Variants in SP140 observed in about 807,000 individuals in gnomAD.
SP140 encodes nuclear body protein SP140.
A neutral mutation model predicts 125.0 loss-of-function variants in SP140; 81 were observed. The ratio of observed to expected loss-of-function variants is 0.65; its 90% CI spans 0.54 to 0.78. SP140 has a LOEUF of 0.78. Among genes scored for constraint, SP140 ranks in the 30% least tolerant of loss-of-function variants. SP140 has a pLI of 0.00. For synonymous variants in SP140, 312 were observed against 354.0 expected (o/e 0.88, Z 1.33); for missense variants, 858 against 1,037.0 (o/e 0.83, Z 2.37).
chr2:230,269,731 GAGA>G (rs1380554984), intron 13 of SP140, 103 bp from the exon 14 acceptor site: 6 of 1,095,522 alleles, frequency 5.5e-6, no homozygotes, highest in Non-Finnish European at 5.4e-6. Flanking sequence ...GCAGTGAAAG[GAGA>G]AGATTTCAGA....
upstream of SP140, chr2:230,202,805 C>T: frequency 7.3e-7 from 1 of 1,366,930 alleles, no homozygotes; most frequent in Admixed American, 1.7e-5. Flanking sequence ...TCAGTGACTT[C>T]CCTTCTCATG....
At chr2:230,218,473 G>A (rs2045475036) in intron 3 of SP140, among the ~76,000 whole-genome samples, 1 of 152,196 alleles carries the variant, frequency 6.6e-6, no homozygotes, top group Non-Finnish European at 1.5e-5. Flanking sequence ...TCCACAATAT[G>A]CACAGGGGAA....
At chr2:230,288,384 T>C (rs2056665622) in intron 18 of SP140, among the ~76,000 whole-genome samples, 1 of 152,256 alleles carries the variant, frequency 6.6e-6, no homozygotes, top group Non-Finnish European at 1.5e-5. Flanking sequence ...TGTGTGGGCT[T>C]AGGCTGATCA....
At chr2:230,305,720 A>G (rs1299557135) in intron 22 of SP140, among the ~76,000 whole-genome samples, 1 of 152,088 alleles carries the variant, frequency 6.6e-6, no homozygotes, top group Non-Finnish European at 1.5e-5. Flanking sequence ...CCGGGGTGGG[A>G]AGTGGGAGTG....
chr2:230,246,845 CAG>C (rs1357973255), intron 7 of SP140, among the ~76,000 whole-genome samples: 2 of 151,906 alleles, frequency 1.3e-5, no homozygotes, highest in Admixed American at 6.6e-5. Context: ...TGCTCGAAGA[CAG>C]AGACAGTGGA....
intron 3 of SP140, among the ~76,000 whole-genome samples, chr2:230,239,794 G>A (rs2048465815): frequency 6.6e-6 from 1 of 152,120 alleles, no homozygotes; most frequent in African/African-American, 2.4e-5. Flanking sequence ...TCTGAGGGTG[G>A]GTGAATCCAC....
At chr2:230,249,226 TG>T (rs2049983379) in intron 9 of SP140, among the ~76,000 whole-genome samples, 1 of 152,142 alleles carries the variant, frequency 6.6e-6, no homozygotes, top group Non-Finnish European at 1.5e-5. Context: ...AGAGGTAGGC[TG>T]GGGCGCCAGA....
At position 230,269,942 on chromosome 2, in the gene SP140, G is replaced by A; in HGVS notation, c.1433G>A (p.Cys478Tyr). Reference sequence around the variant, plus strand: ...GCAAGGACGGAAAGTGATCAAGCGTGTGGCACAATGGGTAAGGCTGTCTGA... The same window carrying A: ...GCAAGGACGGAAAGTGATCAAGCGTATGGCACAATGGGTAAGGCTGTCTGA... Reference protein sequence around the residue: ...PEARTESDQACGTMDTVDIAN... With the variant: ...PEARTESDQAYGTMDTVDIAN... Residue 478 changes from cysteine to tyrosine, a missense_variant, in exon 14 of 27, where the codon TGT becomes TAT. By Grantham distance (194) the Cys-to-Tyr change is radical. Coordinates refer to ENST00000392045, the MANE Select transcript of SP140 (RefSeq NM_007237.5). The A allele has an allele frequency of 1.2e-6, 2 of 1,612,782 alleles. No homozygotes were observed. The highest frequency in any genetic ancestry group is 1.7e-6 in the Non-Finnish European group (2 of 1,178,782).
chr2:230,196,471 T>A, the SP140 span, among the ~76,000 whole-genome samples: 26 of 152,186 alleles, frequency 1.7e-4, no homozygotes, highest in East Asian at 4.6e-3. Flanking sequence ...GTATGCATAC[T>A]TATACAAAAA....
the SP140 span, among the ~76,000 whole-genome samples, chr2:230,196,037 T>C: frequency 6.6e-6 from 1 of 152,324 alleles, no homozygotes; most frequent in South Asian, 2.1e-4. Flanking sequence ...GTTTGGATGT[T>C]AAGGATACCT....
intron 12 of SP140, among the ~76,000 whole-genome samples, chr2:230,259,906 T>A (rs1457490933): frequency 6.6e-6 from 1 of 151,868 alleles, no homozygotes; most frequent in African/African-American, 2.4e-5. Context: ...TAAACATGCA[T>A]GTGCAAGTAT....
intron 3 of SP140, among the ~76,000 whole-genome samples, chr2:230,218,913 T>C (rs181787379): frequency 2.6e-5 from 4 of 152,184 alleles, no homozygotes; most frequent in Admixed American, 6.5e-5. Context: ...ACGATAAGCA[T>C]GTTAACTAGC....
In SP140 at chr2:230,275,342, A is replaced by G. The variant is rs187763206; in HGVS notation, c.1498+4703A>G. Among the ~76,000 whole-genome samples the G allele has an allele frequency of 5.7e-3, 873 of 151,896 alleles. 4 individuals are homozygous for G. Among genetic ancestry groups the G allele is most frequent in the Non-Finnish European group, 0.01 (696 of 68,014 alleles). Reference sequence around the variant, plus strand: ...CTGTTGGTGCCCTTTTTCCAACAGCATGTGCTCACTTTGTGTCTCTGTCAC... The same window carrying G: ...CTGTTGGTGCCCTTTTTCCAACAGCGTGTGCTCACTTTGTGTCTCTGTCAC... On this transcript the variant is annotated intron_variant, in intron 15 of 26. Coordinates refer to ENST00000392045, the MANE Select transcript of SP140 (RefSeq NM_007237.5).
chr2:230,299,753 T>A (rs2058113431), intron 22 of SP140, among the ~76,000 whole-genome samples: 1 of 152,176 alleles, frequency 6.6e-6, no homozygotes, highest in Non-Finnish European at 1.5e-5. Context: ...GATATAAATT[T>A]GGCTCTGTTG....
intron 3 of SP140, among the ~76,000 whole-genome samples, chr2:230,215,325 A>G (rs2044997037): frequency 6.6e-6 from 1 of 152,196 alleles, no homozygotes; most frequent in South Asian, 2.1e-4. Context: ...GATGACTAGC[A>G]ACAAAAATAA....
At chr2:230,247,770 T>A in intron 7 of SP140, 146 bp from the exon 8 acceptor site, 1 of 698,748 alleles carries the variant, frequency 1.4e-6, no homozygotes, top group Non-Finnish European at 2.4e-6. Flanking sequence ...TTCTGATGAC[T>A]CTTTCTCATC....
intron 3 of SP140, chr2:230,216,940 G>A: frequency 6.2e-7 from 1 of 1,612,212 alleles, no homozygotes; most frequent in Non-Finnish European, 8.5e-7. Context: ...TATGGAAAGA[G>A]GCATGATAAA....
intron 1 of SP140, among the ~76,000 whole-genome samples, chr2:230,236,164 C>T (rs543892221): frequency 2.6e-4 from 40 of 152,212 alleles, no homozygotes; most frequent in African/African-American, 8.7e-4. Flanking sequence ...CGTGAGCCAC[C>T]GCGCCCGGCC....
chr2:230,212,822 G>T lies in SP140; in HGVS notation c.-322-832G>T, dbSNP rs144428054. 6 of 1,613,962 alleles carry T rather than the reference G, an allele frequency of 3.7e-6. No homozygotes were observed. The African/African-American group carries it at 8.0e-5, about 22-fold the overall frequency. On this transcript the variant is annotated intron_variant, in intron 1 of 4. Transcript: ENST00000456542. ...GAGGCAGGACAGGGTCAGATGGGCT[G>T]GGCGACTCACTCAGGATCTCATCGC...
Sources: allele counts gnomAD v4.1 joint callset (sites outside exome capture counted in the v4.1 genomes callset), GRCh38; gene constraint gnomAD v4.1.1; transcripts MANE v1.5; gene names NCBI Gene and HGNC (gene_info 2026-07-23, HGNC 2026-07-21).